The following CCDC141 variants were observed in gnomAD, a reference collection of about 807,000 sequenced individuals.
CCDC141 encodes coiled-coil domain-containing protein 141.
CCDC141 carries 168 observed loss-of-function variants against 181.0 expected under a neutral mutation model. The observed-to-expected ratio is 0.93, with a 90% CI of 0.82 to 1.05. The LOEUF (loss-of-function observed/expected upper bound fraction) is 1.05, where lower values mean the gene tolerates loss of function less well. Among genes scored for constraint, CCDC141 ranks in the 50% least tolerant of loss-of-function variants. The pLI is 0.00. For missense variants in CCDC141, 1,902 were observed against 1,788.5 expected, an observed-to-expected ratio of 1.06 and a Z score of -1.14; for synonymous variants, 666 against 642.3, an observed-to-expected ratio of 1.04 and a Z score of -0.56.
intron 6 of CCDC141, among the ~76,000 whole-genome samples, chr2:178,940,868 C>T (rs1408736408): frequency 6.6e-6 from 1 of 152,196 alleles, no homozygotes; most frequent in East Asian, 1.9e-4. Flanking sequence ...TTTCTACACT[C>T]ATCTTGCTTT....
At position 178,970,212 on chromosome 2, in the gene CCDC141, A is replaced by C. The variant is rs547787448; in HGVS notation, c.526+4845T>G. On this transcript the variant is annotated intron_variant, in intron 4 of 23. Coordinates refer to ENST00000443758, the MANE Select transcript of CCDC141 (RefSeq NM_173648.4). Reference sequence around the variant, plus strand: ...CCATACTGCCCAAAGTAATTTATAGATTCAATGCTATCCTCATCAAGCTAC... The same window carrying C: ...CCATACTGCCCAAAGTAATTTATAGCTTCAATGCTATCCTCATCAAGCTAC... 1.5e-4 allele frequency among the ~76,000 whole-genome samples: 23 copies of C among 152,350 alleles called. No individual in the cohort carries two copies. The South Asian group carries it at 2.3e-3, about 15-fold the overall frequency.
intron 6 of CCDC141, among the ~76,000 whole-genome samples, chr2:178,936,110 A>G (rs901504835): frequency 1.6e-4 from 24 of 151,990 alleles, no homozygotes; most frequent in African/African-American, 5.3e-4. Context: ...ATGAGATCCC[A>G]CTTGTCAATT....
In CCDC141 at chr2:178,831,197, T is replaced by G. The variant is rs1684235533; in HGVS notation, c.*2976A>C. 6.6e-6 allele frequency: 1 copy of G among 152,206 alleles called. No individual in the cohort carries two copies. Among genetic ancestry groups the G allele is most frequent in the Non-Finnish European group, 1.5e-5 (1 of 68,032 alleles). The allele number at this position is 152,206 out of a possible 1,614,324, so 9.4% of individuals were successfully genotyped here. On this transcript the variant is annotated 3_prime_UTR_variant, in exon 24 of 24. Transcript: ENST00000443758. ...AATGTACAGATTCCTACAGTAAATT[T>G]CTCTTGGAATTGAGTGTGAAAAACT...
chr2:178,975,723 T>C (rs954165557), intron 3 of CCDC141, among the ~76,000 whole-genome samples: 1 of 152,144 alleles, frequency 6.6e-6, no homozygotes, highest in Non-Finnish European at 1.5e-5. Context: ...TCCAATATTT[T>C]ATACAAAGCA....
chr2:178,888,218 C>T lies in CCDC141; in HGVS notation c.1407+309G>A, dbSNP rs76280783. 0.061 allele frequency among the ~76,000 whole-genome samples: 9,354 copies of T among 152,238 alleles called. 412 individuals are homozygous for T. Among genetic ancestry groups the T allele is most frequent in the Middle Eastern group, 0.12 (34 of 294 alleles). On this transcript the variant is annotated intron_variant, in intron 9 of 23. Coordinates refer to ENST00000443758, the MANE Select transcript of CCDC141 (RefSeq NM_173648.4). ...GTGCATATTTGAACCATGCTCAGAACCATGCAAATGAAAGATCCACTCTAT... is the reference window on the plus strand; with the variant it reads ...GTGCATATTTGAACCATGCTCAGAATCATGCAAATGAAAGATCCACTCTAT...
intron 4 of CCDC141, among the ~76,000 whole-genome samples, chr2:178,969,649 C>G (rs916579067): frequency 6.6e-6 from 1 of 152,144 alleles, no homozygotes. Flanking sequence ...CTATTTATGA[C>G]AAACCCACAG....
At position 178,837,672 on chromosome 2, in the gene CCDC141, C is replaced by A; in HGVS notation, c.3547G>T (p.Val1183Leu). 6.2e-7 allele frequency: 1 copy of A among 1,614,090 alleles called. No homozygotes were observed. The highest frequency in any genetic ancestry group is 1.1e-5 in the South Asian group (1 of 91,082). Residue 1183 changes from valine to leucine, a missense_variant, in exon 23 of 24, where the codon GTG (valine) becomes TTG (leucine). Physicochemically the swap from Val to Leu is conservative, Grantham distance 32. Transcript: ENST00000443758. ...GEERLPQDLK[V>L]STDKEGGVQD... ...ACGCCACCCTCCTTGTCAGTGGACACCTTCAGGTCTTGTGGTAGTCGCTCT... is the reference window on the plus strand; with the variant it reads ...ACGCCACCCTCCTTGTCAGTGGACAACTTCAGGTCTTGTGGTAGTCGCTCT...
At chr2:179,024,615 G>T (rs978437867) in intron 2 of CCDC141, among the ~76,000 whole-genome samples, 2 of 149,236 alleles carry the variant, frequency 1.3e-5, no homozygotes, top group African/African-American at 5.2e-5. Context: ...TAAGTGGCAA[G>T]CTCTCCAAGA....
chr2:179,039,801 G>A (rs2043244862), intron 2 of CCDC141, among the ~76,000 whole-genome samples: 1 of 152,220 alleles, frequency 6.6e-6, no homozygotes, highest in Non-Finnish European at 1.5e-5. Flanking sequence ...TACAGGTTAA[G>A]TTTGTGCCTA....
At chr2:179,009,115 G>C (rs961177474) in intron 2 of CCDC141, among the ~76,000 whole-genome samples, 11 of 152,136 alleles carry the variant, frequency 7.2e-5, no homozygotes, top group Admixed American at 3.3e-4. Context: ...TGCTTTTCCT[G>C]TTGCTCAAGC....
At chr2:179,012,638 C>A (rs1256397029) in intron 2 of CCDC141, among the ~76,000 whole-genome samples, 1 of 152,034 alleles carries the variant, frequency 6.6e-6, no homozygotes, top group Non-Finnish European at 1.5e-5. Flanking sequence ...ACCCTAATAC[C>A]AAAACCAGGA....
chr2:178,848,517 C>T (rs1685032088), intron 21 of CCDC141, among the ~76,000 whole-genome samples: 1 of 152,116 alleles, frequency 6.6e-6, no homozygotes, highest in African/African-American at 2.4e-5. Context: ...CCTGACTACA[C>T]TGAGGGTGTA....
intron 6 of CCDC141, among the ~76,000 whole-genome samples, chr2:178,924,887 G>A (rs965092038): frequency 2.0e-5 from 3 of 152,196 alleles, no homozygotes; most frequent in South Asian, 2.1e-4. Context: ...TAAGAGCAAA[G>A]AACTCCAGCT....
At chr2:179,032,127 T>C (rs984843758) in intron 2 of CCDC141, among the ~76,000 whole-genome samples, 1 of 152,078 alleles carries the variant, frequency 6.6e-6, no homozygotes, top group Non-Finnish European at 1.5e-5. Context: ...AAACCCCCCT[T>C]ACTGGTTCTC....
chr2:178,886,970 T>C (rs1252157678), intron 9 of CCDC141, 99 bp from the exon 10 acceptor site: 28 of 687,548 alleles, frequency 4.1e-5, no homozygotes, highest in Non-Finnish European at 5.7e-5. Context: ...TAGATTCTCA[T>C]TATACTTGAA....
intron 8 of CCDC141, among the ~76,000 whole-genome samples, chr2:178,890,371 G>A (rs957463480): frequency 2.0e-5 from 3 of 152,104 alleles, no homozygotes; most frequent in Admixed American, 2.0e-4. Context: ...TTAGAATACA[G>A]GCCTCCCTGA....
intron 7 of CCDC141, among the ~76,000 whole-genome samples, chr2:178,907,860 G>T (rs556290886): frequency 6.8e-4 from 103 of 152,152 alleles, no homozygotes; most frequent in South Asian, 4.8e-3. Context: ...TTAGCCAGGT[G>T]TGGTAGCACG....
downstream of CCDC141, chr2:178,825,632 C>T (rs1157706700): frequency 1.7e-5 from 2 of 115,710 alleles, no homozygotes; most frequent in East Asian, 3.1e-4. Context: ...CCACCCCCCA[C>T]CAAAATATCA....
chr2:178,932,351 CA>C (rs1384621780), intron 6 of CCDC141, among the ~76,000 whole-genome samples: 1 of 152,106 alleles, frequency 6.6e-6, no homozygotes, highest in Non-Finnish European at 1.5e-5. Context: ...CAGAGATGCT[CA>C]AATTTAACTC....
Sources: gnomAD v4.1 joint callset for allele counts (sites outside exome capture counted in the v4.1 genomes callset) on GRCh38, gnomAD v4.1.1 for gene constraint, MANE v1.5 for transcripts, NCBI Gene and HGNC (gene_info 2026-07-23, HGNC 2026-07-21) for gene names.